Variants in EHMT1 observed in about 807,000 individuals in gnomAD.
EHMT1 encodes the protein histone-lysine N-methyltransferase EHMT1.
In EHMT1, 15 loss-of-function variants were observed where a neutral mutation model predicts 147.2. The ratio of observed to expected loss-of-function variants is 0.10; its 90% CI spans 0.07 to 0.16. The LOEUF is 0.16. Ranked by LOEUF, EHMT1 falls within the 10% of genes least tolerant of loss-of-function variation. The pLI is 1.00. For missense variants in EHMT1, 1,587 were observed against 1,772.4 expected (o/e 0.90, Z 1.88); for synonymous variants, 795 against 709.6 (o/e 1.12, Z -1.91).
intron 10 of EHMT1, 143 bp from the exon 11 acceptor site, chr9:137,774,966 C>A: frequency 1.7e-6 from 2 of 1,194,406 alleles, no homozygotes; most frequent in Non-Finnish European, 2.5e-6. Context: ...GCTTGCAAAG[C>A]CAAGCTGGCC....
chr9:137,694,846 G>T (rs1231626878), intron 1 of EHMT1, among the ~76,000 whole-genome samples: 3 of 152,244 alleles, frequency 2.0e-5, no homozygotes, highest in African/African-American at 7.2e-5. Context: ...ATTTGATGTT[G>T]CAGGTAAACC....
chr9:137,830,691 C>T (rs866510187), intron 25 of EHMT1, among the ~76,000 whole-genome samples: 5 of 152,184 alleles, frequency 3.3e-5, no homozygotes, highest in African/African-American at 4.8e-5. Flanking sequence ...TCTTGTGCTT[C>T]GCGGCACCAG....
In EHMT1 at chr9:137,665,756, T is replaced by G. The variant is rs572976512; in HGVS notation, c.22-45211T>G. Among the ~76,000 whole-genome samples, 5 of 152,326 alleles carry G rather than the reference T, an allele frequency of 3.3e-5. No homozygotes were observed. In the South Asian group the frequency reaches 1.0e-3, roughly 32 times the overall value. ...TAGGGTGAAAACAATAAATGTCTCG[T>G]TAAATGGTTTCCATCTGAGAACACT... On this transcript the variant is annotated intron_variant, in intron 1 of 26. Coordinates refer to ENST00000460843, the MANE Select transcript of EHMT1 (RefSeq NM_024757.5).
At chr9:137,668,920 T>G (rs1249642913) in intron 1 of EHMT1, among the ~76,000 whole-genome samples, 1 of 152,186 alleles carries the variant, frequency 6.6e-6, no homozygotes, top group Non-Finnish European at 1.5e-5. Context: ...GGAGTCTCGC[T>G]CTGTCCCCCA....
At chr9:137,672,280 G>A (rs1005284588) in intron 1 of EHMT1, among the ~76,000 whole-genome samples, 3 of 152,080 alleles carry the variant, frequency 2.0e-5, no homozygotes, top group Admixed American at 2.0e-4. Context: ...TAGGTTTATT[G>A]TTATTTGTAC....
intron 1 of EHMT1, among the ~76,000 whole-genome samples, chr9:137,670,563 C>T (rs1189982979): frequency 6.6e-6 from 1 of 152,218 alleles, no homozygotes; most frequent in Non-Finnish European, 1.5e-5. Context: ...GCCCTTCTTG[C>T]AGGTGCTTCT....
chr9:137,713,221 C>G (rs1157765533), intron 2 of EHMT1, among the ~76,000 whole-genome samples: 1 of 151,530 alleles, frequency 6.6e-6, no homozygotes. Flanking sequence ...CTCAGCCTCC[C>G]AAGTAGCTGG....
chr9:137,803,121 A>T, intron 18 of EHMT1: 1 of 1,229,190 alleles, frequency 8.1e-7, no homozygotes, highest in Non-Finnish European at 1.0e-6. Context: ...CAGGTGTCAG[A>T]GCTGTTAGCT....
intron 6 of EHMT1, among the ~76,000 whole-genome samples, chr9:137,744,781 A>G (rs1010275352): frequency 1.3e-5 from 2 of 152,274 alleles, no homozygotes; most frequent in African/African-American, 4.8e-5. Flanking sequence ...CTTCACAGAC[A>G]GCCTCATCCT....
intron 17 of EHMT1, chr9:137,800,609 C>T (rs760719193): frequency 2.0e-6 from 1 of 512,588 alleles, no homozygotes; most frequent in Non-Finnish European, 3.6e-6. Context: ...CAACTGGGAG[C>T]GGGCAAGGCC....
chr9:137,788,003 G>T, intron 15 of EHMT1: 1 of 1,455,746 alleles, frequency 6.9e-7, no homozygotes, highest in Non-Finnish European at 9.5e-7. Flanking sequence ...GCAGTAAGTG[G>T]AGAGGCCAGG....
Position 137,776,849 on chromosome 9 carries a change from C to A in EHMT1, c.2018+5C>A. The A allele has an allele frequency of 6.2e-7, 1 of 1,613,466 alleles. No individual in the cohort carries two copies. The highest frequency in any genetic ancestry group is 8.5e-7 in the Non-Finnish European group (1 of 1,179,838). Reference sequence around the variant, plus strand: ...GGCCGACACCACAACGGGCAGGTACCTGGCACAGGCTCTGGCTGGGCTCTC... The same window carrying A: ...GGCCGACACCACAACGGGCAGGTACATGGCACAGGCTCTGGCTGGGCTCTC... On this transcript the variant is annotated splice_donor_5th_base_variant and intron_variant, in intron 12 of 26. Coordinates refer to ENST00000460843, the MANE Select transcript of EHMT1 (RefSeq NM_024757.5). The surrounding 1 kb of genome is among the most constrained non-coding windows in gnomAD (Gnocchi z 4.4).
At chr9:137,766,497 C>G (rs1180453404) in intron 10 of EHMT1, among the ~76,000 whole-genome samples, 1 of 152,138 alleles carries the variant, frequency 6.6e-6, no homozygotes, top group Admixed American at 6.5e-5. Context: ...TGCCTGTAGT[C>G]CCAGCTACTT....
intron 1 of EHMT1, among the ~76,000 whole-genome samples, chr9:137,625,226 C>T (rs566019447): frequency 1.3e-5 from 2 of 152,256 alleles, no homozygotes; most frequent in African/African-American, 2.4e-5. Context: ...ATTCCCTTGC[C>T]GAACCTTTAG....
intron 3 of EHMT1, among the ~76,000 whole-genome samples, chr9:137,723,651 T>C (rs551771914): frequency 1.3e-5 from 2 of 152,218 alleles, no homozygotes; most frequent in Non-Finnish European, 2.9e-5. Flanking sequence ...TGTCTGGGCC[T>C]GTGGCCTCTC....
At chr9:137,822,361 C>T (rs758593893) in intron 25 of EHMT1, among the ~76,000 whole-genome samples, 1 of 152,176 alleles carries the variant, frequency 6.6e-6, no homozygotes, top group Non-Finnish European at 1.5e-5. Context: ...TTTTAATGGA[C>T]ATGAATTTTT....
chr9:137,643,515 AT>A (rs1239369536), intron 1 of EHMT1, among the ~76,000 whole-genome samples: 3 of 151,510 alleles, frequency 2.0e-5, no homozygotes, highest in Non-Finnish European at 2.9e-5. Context: ...CGCCTGGCTA[AT>A]TTTTTGTATT....
chr9:137,742,729 C>G (rs1202315240), intron 4 of EHMT1, among the ~76,000 whole-genome samples: 1 of 152,218 alleles, frequency 6.6e-6, no homozygotes, highest in African/African-American at 2.4e-5. Flanking sequence ...TAATAGAGAG[C>G]TGGACCGTAG....
At chr9:137,759,782 C>G (rs892092616) in intron 9 of EHMT1, among the ~76,000 whole-genome samples, 1 of 152,148 alleles carries the variant, frequency 6.6e-6, no homozygotes, top group Non-Finnish European at 1.5e-5. Flanking sequence ...GCCCGGGACC[C>G]CAGAGGGAGG....
Sources: allele counts gnomAD v4.1 joint callset (sites outside exome capture counted in the v4.1 genomes callset), GRCh38; gene constraint gnomAD v4.1.1; non-coding constraint Gnocchi (gnomAD v3.1); transcripts MANE v1.5; gene names NCBI Gene and HGNC (gene_info 2026-07-23, HGNC 2026-07-21).